Variants in NECTIN2 observed in about 807,000 individuals in gnomAD.
NECTIN2 encodes nectin cell adhesion molecule 2.
Under a neutral mutation model 56.9 loss-of-function variants are expected in NECTIN2, and 23 were observed. The observed-to-expected ratio is 0.40, with a 90% confidence interval of 0.29 to 0.57. The LOEUF (loss-of-function observed/expected upper bound fraction) is 0.57, where lower values mean the gene tolerates loss of function less well. NECTIN2 is among the 20% of genes least tolerant of loss of function. The probability of loss-of-function intolerance (pLI) is 0.38; values close to 1 mark genes in which losing one functional copy is unlikely to be tolerated. For missense variants in NECTIN2, 587 were observed against 718.3 expected, an observed-to-expected ratio of 0.82 and a Z score of 2.09; for synonymous variants, 302 against 313.8, an observed-to-expected ratio of 0.96 and a Z score of 0.40.
At position 44,865,217 on chromosome 19, in the gene NECTIN2, G is replaced by A. The variant is rs1021957619; in HGVS notation, c.89-54G>A. On this transcript the variant is annotated intron_variant, in intron 1 of 8. Transcript: ENST00000252483. The surrounding 1 kb of genome is among the most constrained non-coding windows in gnomAD (Gnocchi z 5.2). ...CCCTTCGTGGTGGCCCTGCCTGGAGGTGTCTGGGTCCCTCCCCCACCCGAC... is the reference window on the plus strand; with the variant it reads ...CCCTTCGTGGTGGCCCTGCCTGGAGATGTCTGGGTCCCTCCCCCACCCGAC... 7.2e-6 allele frequency: 11 copies of A among 1,518,268 alleles called. No individual in the cohort carries two copies. In the African/African-American group the frequency reaches 9.6e-5, roughly 13 times the overall value. The allele number at this position is 1,518,268 out of a possible 1,614,324, so 94.0% of individuals were successfully genotyped here.
chr19:44,873,299 T>C (rs1969198722), intron 3 of NECTIN2, among the ~76,000 whole-genome samples: 1 of 152,148 alleles, frequency 6.6e-6, no homozygotes, highest in Non-Finnish European at 1.5e-5. Flanking sequence ...CCTACACTGG[T>C]TGCCCAAACC....
intron 1 of NECTIN2, among the ~76,000 whole-genome samples, chr19:44,853,582 A>G (rs1420033785): frequency 6.7e-6 from 1 of 149,808 alleles, no homozygotes; most frequent in Non-Finnish European, 1.5e-5. Context: ...TCCGCCTGCT[A>G]GGTTCAAGTG....
chr19:44,864,103 G>A (rs1341513889), intron 1 of NECTIN2, among the ~76,000 whole-genome samples: 1 of 151,784 alleles, frequency 6.6e-6, no homozygotes, highest in African/African-American at 2.4e-5. Context: ...GAGAGGCTGA[G>A]GTGGGAGGAT....
Position 44,878,873 on chromosome 19 carries a change from T to G in NECTIN2, c.1043-3338T>G, listed in dbSNP as rs1969276040. On this transcript the variant is annotated intron_variant, in intron 5 of 8. Coordinates refer to ENST00000252483, the MANE Select transcript of NECTIN2 (RefSeq NM_001042724.2). ...AGGACCCCCGCCCCCAGAGACTTGG[T>G]TTTGGCTCCAGCCTTCCCCTGGCCC... The G allele has an allele frequency of 3.1e-6, 4 of 1,299,908 alleles. No homozygotes were observed. The African/African-American group carries it at 4.5e-5, about 15-fold the overall frequency. 80.5% of individuals were successfully genotyped at this position (1,299,908 alleles called of 1,614,324 possible). A position where few individuals can be genotyped will look rare whatever the true frequency, so the allele number is the denominator to read the frequency against.
At chr19:44,884,883 C>T (rs900085048) in intron 6 of NECTIN2, among the ~76,000 whole-genome samples, 5 of 152,224 alleles carry the variant, frequency 3.3e-5, no homozygotes, top group Non-Finnish European at 5.9e-5. Flanking sequence ...GACAGGAAGG[C>T]ACTTCATTTA....
Position 44,874,036 on chromosome 19 carries a change from G to A in NECTIN2, c.893+3G>A. On this transcript the variant is annotated splice_donor_region_variant and intron_variant, in intron 4 of 8. Transcript: ENST00000252483. This position sits in a 1 kb window ranked among gnomAD's most constrained non-coding sequence, Gnocchi z 6.3. ...CCCACGGGCTATGACTGGAGCACGT[G>A]AGTCACGTGGTCTCAGAACCCTGGG... 6.2e-7 allele frequency: 1 copy of A among 1,608,282 alleles called. No individual in the cohort carries two copies. Among genetic ancestry groups the A allele is most frequent in the Non-Finnish European group, 8.5e-7 (1 of 1,175,406 alleles).
At chr19:44,869,996 T>C (rs1246930722) in intron 2 of NECTIN2, among the ~76,000 whole-genome samples, 1 of 151,786 alleles carries the variant, frequency 6.6e-6, no homozygotes, top group Non-Finnish European at 1.5e-5. Context: ...AGAGCTTCCG[T>C]ATACACACTG....
intron 1 of NECTIN2, among the ~76,000 whole-genome samples, chr19:44,863,192 A>G (rs1001921748): frequency 2.8e-4 from 42 of 150,306 alleles, no homozygotes; most frequent in Non-Finnish European, 3.0e-5. Context: ...GTTGGAAGCC[A>G]GGTGCATTGG....
intron 1 of NECTIN2, among the ~76,000 whole-genome samples, chr19:44,846,956 C>A (rs1968842678): frequency 6.6e-6 from 1 of 152,088 alleles, no homozygotes. Flanking sequence ...CCACCCCGCG[C>A]CGAGTAGTTC....
At chr19:44,886,074 G>A (rs1170368486) in intron 7 of NECTIN2, 59 bp from the exon 8 acceptor site, 4 of 1,572,288 alleles carry the variant, frequency 2.5e-6, no homozygotes, top group Admixed American at 3.3e-5. Context: ...GCCTGGCAGG[G>A]AGAAGCTGGC....
At chr19:44,885,555 G>A (rs180998154) in intron 6 of NECTIN2, among the ~76,000 whole-genome samples, 217 of 151,632 alleles carry the variant, frequency 1.4e-3, no homozygotes, top group African/African-American at 4.9e-3. Context: ...CAGATGATCC[G>A]CCCGCCTCAG....
intron 5 of NECTIN2, chr19:44,881,977 A>T (rs1476586362): frequency 8.1e-6 from 3 of 371,622 alleles, no homozygotes; most frequent in Non-Finnish European, 1.4e-5. Context: ...ACCAGAATCA[A>T]AGTTCCATGA....
chr19:44,858,583 C>G (rs1306436103), intron 1 of NECTIN2, among the ~76,000 whole-genome samples: 1 of 152,082 alleles, frequency 6.6e-6, no homozygotes, highest in African/African-American at 2.4e-5. Context: ...CTCGGCCTCC[C>G]AAAGTGCTGG....
intron 1 of NECTIN2, among the ~76,000 whole-genome samples, chr19:44,851,693 G>A (rs1968901574): frequency 6.6e-6 from 1 of 152,238 alleles, no homozygotes; most frequent in African/African-American, 2.4e-5. Context: ...GCTGTCACCA[G>A]TCTGGCTTGC....
intron 1 of NECTIN2, among the ~76,000 whole-genome samples, chr19:44,859,414 G>T (rs990502106): frequency 6.6e-6 from 1 of 152,176 alleles, no homozygotes; most frequent in African/African-American, 2.4e-5. Flanking sequence ...TAAGTGGCCT[G>T]CACAAGGTCG....
At position 44,875,720 on chromosome 19, in the gene NECTIN2, G is replaced by A. The variant is rs977961787; in HGVS notation, c.1042+1242G>A. ...CCTGTCATGCAGACAGACTAGCCAC[G>A]GAGGGACAGAAGCAGACCCCCTTAC... On this transcript the variant is annotated intron_variant, in intron 5 of 8. Transcript: ENST00000252483. The surrounding 1 kb of genome is among the most constrained non-coding windows in gnomAD (Gnocchi z 4.2). Among the ~76,000 whole-genome samples the A allele has an allele frequency of 5.9e-5, 9 of 152,106 alleles. No homozygotes were observed. The highest frequency in any genetic ancestry group is 4.1e-4 in the South Asian group (2 of 4,836).
intron 5 of NECTIN2, among the ~76,000 whole-genome samples, chr19:44,876,939 C>T (rs1307920284): frequency 5.9e-5 from 9 of 152,072 alleles, no homozygotes; most frequent in Admixed American, 5.2e-4. Flanking sequence ...TTCCAAAACA[C>T]CAATGCCACC....
chr19:44,881,992 A>G, intron 5 of NECTIN2: 1 of 391,340 alleles, frequency 2.6e-6, no homozygotes. Context: ...CCATGAAGGT[A>G]GACACTTTGT....
At chr19:44,857,615 T>C (rs1333601036) in intron 1 of NECTIN2, among the ~76,000 whole-genome samples, 1 of 152,104 alleles carries the variant, frequency 6.6e-6, no homozygotes, top group Non-Finnish European at 1.5e-5. Context: ...CTGGCCAGGC[T>C]GGTCTCGAAC....
Sources: allele counts gnomAD v4.1 joint callset (sites outside exome capture counted in the v4.1 genomes callset), GRCh38; gene constraint gnomAD v4.1.1; non-coding constraint Gnocchi (gnomAD v3.1); transcripts MANE v1.5; gene names NCBI Gene and HGNC (gene_info 2026-07-23, HGNC 2026-07-21).